Variants in DUSP22 observed in about 807,000 individuals in gnomAD.
DUSP22 encodes dual specificity phosphatase 22.
A neutral mutation model predicts 24.5 loss-of-function variants in DUSP22; 24 were observed. The ratio of observed to expected loss-of-function variants is 0.98; its 90% CI spans 0.71 to 1.38. The LOEUF is 1.38. Among genes scored for constraint, DUSP22 ranks in the 40% most tolerant of loss-of-function variants. DUSP22 has a pLI of 0.00. For missense variants in DUSP22, 330 were observed against 269.2 expected (o/e 1.23, Z -1.58); for synonymous variants, 160 against 106.4 (o/e 1.50, Z -3.10).
intron 1 of DUSP22, among the ~76,000 whole-genome samples, chr6:298,186 C>G (rs1454105822): frequency 6.6e-6 from 1 of 152,310 alleles, no homozygotes; most frequent in Admixed American, 6.5e-5. Context: ...ATGTTAAAGG[C>G]AGTGTTCTAA....
Position 350,228 on chromosome 6 carries a change from G to A in DUSP22, c.*1277G>A, listed in dbSNP as rs1760129859. 1 of 988,118 alleles carries A rather than the reference G, an allele frequency of 1.0e-6. No individual in the cohort carries two copies. The highest frequency in any genetic ancestry group is 4.7e-5 in the South Asian group (1 of 21,458). The allele number at this position is 988,118 out of a possible 1,614,324, so 61.2% of individuals were successfully genotyped here. ...ATCATTGAGCTATTTAAAGTTGCCA[G>A]TTTGGGCTCCAGTAATGCTTTCTGG... On this transcript the variant is annotated 3_prime_UTR_variant, in exon 7 of 7. Transcript: ENST00000419235.
intron 4 of DUSP22, among the ~76,000 whole-genome samples, chr6:336,855 G>A (rs949806287): frequency 3.3e-5 from 5 of 152,306 alleles, no homozygotes; most frequent in Admixed American, 6.5e-5. Context: ...TGGTGCACAC[G>A]GAAGGAAGTG....
At chr6:348,615 G>A (rs1760002929) in intron 6 of DUSP22, 154 bp from the exon 7 acceptor site, 11 of 1,324,948 alleles carry the variant, frequency 8.3e-6, no homozygotes, top group Non-Finnish European at 1.0e-5. Context: ...GCTTGACCCT[G>A]GCTGGCCAAC....
intron 1 of DUSP22, among the ~76,000 whole-genome samples, 164 bp downstream of exon 1, chr6:292,724 G>A (rs939966334): frequency 2.0e-5 from 3 of 152,270 alleles, no homozygotes; most frequent in Non-Finnish European, 4.4e-5. Flanking sequence ...CGGAGTCGGG[G>A]TTCGGAGGTG....
At chr6:327,509 GGA>G (rs1368327318) in intron 3 of DUSP22, among the ~76,000 whole-genome samples, 16 of 152,424 alleles carry the variant, frequency 1.0e-4, no homozygotes, top group Admixed American at 9.8e-4. Context: ...ACCGTTTACA[GGA>G]GAGAGGTGCC....
intron 3 of DUSP22, among the ~76,000 whole-genome samples, chr6:330,043 C>T (rs1403577242): frequency 6.6e-6 from 1 of 152,246 alleles, no homozygotes; most frequent in Non-Finnish European, 1.5e-5. Context: ...AGTGTGTGTA[C>T]AGGGGCCACA....
At chr6:342,918 G>C (rs1759675956) in intron 4 of DUSP22, among the ~76,000 whole-genome samples, 1 of 152,310 alleles carries the variant, frequency 6.6e-6, no homozygotes, top group Admixed American at 6.5e-5. Flanking sequence ...CAGGCCAGCA[G>C]ACTTCTCTGC....
chr6:322,537 T>C (rs1367598885), intron 3 of DUSP22, among the ~76,000 whole-genome samples: 1 of 152,308 alleles, frequency 6.6e-6, no homozygotes, highest in Non-Finnish European at 1.5e-5. Flanking sequence ...TTTTAGGTGC[T>C]GTGGACACTG....
In DUSP22 at chr6:350,285, C is replaced by T. The variant is rs1315629162; in HGVS notation, c.*1334C>T. ...AAATTCCACATTCAGGCCACGAGAG[C>T]ATCTACAGTTTGTACTCTGGGGCTG... On this transcript the variant is annotated 3_prime_UTR_variant, in exon 7 of 7. Transcript: ENST00000419235. The T allele has an allele frequency of 3.0e-6, 3 of 993,174 alleles. No homozygotes were observed. The highest frequency in any genetic ancestry group is 5.1e-4 in the Middle Eastern group (1 of 1,950). The allele number at this position is 993,174 out of a possible 1,614,324, so 61.5% of individuals were successfully genotyped here. A position where few individuals can be genotyped will look rare whatever the true frequency, so the allele number is the denominator to read the frequency against.
rs1757744213 is a variant in DUSP22, at chr6:304,726, A to G, written c.55+65A>G. Reference sequence around the variant, plus strand: ...TAACATAAAATGTGTCATCTTGACCATTTTAAAGTGTATAGGTCAGTGGCT... The same window carrying G: ...TAACATAAAATGTGTCATCTTGACCGTTTTAAAGTGTATAGGTCAGTGGCT... On this transcript the variant is annotated intron_variant, in intron 2 of 6. Transcript: ENST00000419235. 2.3e-5 allele frequency: 37 copies of G among 1,604,024 alleles called. No individual in the cohort carries two copies. In the South Asian group the frequency reaches 3.9e-4, roughly 17 times the overall value.
intron 3 of DUSP22, among the ~76,000 whole-genome samples, chr6:329,486 G>A (rs779301805): frequency 4.6e-5 from 7 of 152,414 alleles, no homozygotes; most frequent in South Asian, 2.1e-4. Context: ...ACAGAGTCTC[G>A]CTATATCCCA....
intron 1 of DUSP22, among the ~76,000 whole-genome samples, chr6:293,797 CTTTTTTT>C (rs11436850): frequency 1.1e-4 from 13 of 123,678 alleles, no homozygotes; most frequent in Middle Eastern, 4.9e-3. Context: ...ATTGTATTCA[CTTTTTTT>C]TTTTTTTTTT....
intron 1 of DUSP22, among the ~76,000 whole-genome samples, 182 bp from the exon 2 acceptor site, chr6:304,446 C>T (rs1757727625): frequency 6.6e-6 from 1 of 152,304 alleles, no homozygotes; most frequent in Non-Finnish European, 1.5e-5. Context: ...TCGATGGGCA[C>T]CAACCCACGG....
chr6:309,222 CTA>C (rs1340623898), intron 2 of DUSP22, among the ~76,000 whole-genome samples: 1 of 152,300 alleles, frequency 6.6e-6, no homozygotes, highest in Non-Finnish European at 1.5e-5. Context: ...TTTGAGGTAA[CTA>C]TTTATTTAGC....
At chr6:322,497 C>A (rs1758644917) in intron 3 of DUSP22, among the ~76,000 whole-genome samples, 1 of 152,310 alleles carries the variant, frequency 6.6e-6, no homozygotes, top group South Asian at 2.1e-4. Flanking sequence ...TTCACAGATT[C>A]CAACCCAAGA....
intron 2 of DUSP22, among the ~76,000 whole-genome samples, chr6:310,749 A>G (rs1415901635): frequency 6.6e-6 from 1 of 152,310 alleles, no homozygotes; most frequent in Non-Finnish European, 1.5e-5. Flanking sequence ...TATTTTAAAT[A>G]TCCCTAATAT....
chr6:345,681 A>G (rs1191856303), intron 4 of DUSP22, among the ~76,000 whole-genome samples, 173 bp from the exon 5 acceptor site: 2 of 152,310 alleles, frequency 1.3e-5, no homozygotes, highest in Non-Finnish European at 1.5e-5. Context: ...TTATTATACA[A>G]TGTATACATG....
intron 3 of DUSP22, among the ~76,000 whole-genome samples, chr6:332,557 G>T (rs1260907179): frequency 6.6e-6 from 1 of 152,264 alleles, no homozygotes; most frequent in Non-Finnish European, 1.5e-5. Context: ...CCCATAGGAA[G>T]CACAATACTG....
At chr6:309,295 T>G (rs1353194450) in intron 2 of DUSP22, among the ~76,000 whole-genome samples, 1 of 152,298 alleles carries the variant, frequency 6.6e-6, no homozygotes, top group East Asian at 1.9e-4. Context: ...GCCTGATAAC[T>G]TAAAGGGCTC....
Sources: allele counts gnomAD v4.1 joint callset (sites outside exome capture counted in the v4.1 genomes callset), GRCh38; gene constraint gnomAD v4.1.1; transcripts MANE v1.5; gene names NCBI Gene and HGNC (gene_info 2026-07-23, HGNC 2026-07-21).